Variants in SYT9 observed in about 807,000 individuals in gnomAD.
SYT9 encodes the protein synaptotagmin 9.
Under a neutral mutation model 48.4 loss-of-function variants are expected in SYT9, and 22 were observed. The ratio of observed to expected loss-of-function variants is 0.45; its 90% CI spans 0.32 to 0.65. The LOEUF (loss-of-function observed/expected upper bound fraction) is 0.65, where lower values mean the gene tolerates loss of function less well. SYT9 is among the 30% of genes least tolerant of loss of function. The pLI is 0.03. For synonymous variants in SYT9, 265 were observed against 245.0 expected (o/e 1.08, Z -0.76); for missense variants, 577 against 622.0 (o/e 0.93, Z 0.77).
chr11:7,241,801 C>T (rs1279995316), intron 1 of SYT9, among the ~76,000 whole-genome samples: 1 of 152,182 alleles, frequency 6.6e-6, no homozygotes, highest in Non-Finnish European at 1.5e-5. Flanking sequence ...TCGTAAGAGT[C>T]TGAAAGACTG....
intron 6 of SYT9, among the ~76,000 whole-genome samples, chr11:7,433,388 T>C (rs1217718115): frequency 6.6e-6 from 1 of 152,254 alleles, no homozygotes; most frequent in Non-Finnish European, 1.5e-5. Context: ...AGATTGACTA[T>C]AAATTTTAAA....
intron 3 of SYT9, among the ~76,000 whole-genome samples, chr11:7,370,073 C>T (rs971121939): frequency 3.4e-4 from 52 of 151,978 alleles, no homozygotes; most frequent in African/African-American, 1.2e-3. Context: ...CCCCAAGTCC[C>T]CAAAGTCCGT....
chr11:7,400,479 G>A (rs997847678), intron 3 of SYT9, among the ~76,000 whole-genome samples: 1 of 152,074 alleles, frequency 6.6e-6, no homozygotes, highest in African/African-American at 2.4e-5. Context: ...ACCAAACAAT[G>A]GTGAAATAGT....
rs73397596 is a variant in SYT9 at position 7,377,176 on chromosome 11, A to G, written c.1045-38866A>G. On this transcript the variant is annotated intron_variant, in intron 3 of 6. Transcript: ENST00000318881. ...ATTCATCCATTGATGTACTGAGTTC[A>G]TGAATTATGGACCCACTCTATGCCA... Among the ~76,000 whole-genome samples the G allele has an allele frequency of 6.5e-3, 978 of 151,468 alleles. 11 individuals carry two copies. Among genetic ancestry groups the G allele is most frequent in the African/African-American group, 0.023 (930 of 41,282 alleles).
chr11:7,305,510 CAT>C (rs1248983610), intron 2 of SYT9, among the ~76,000 whole-genome samples: 1 of 152,162 alleles, frequency 6.6e-6, no homozygotes, highest in East Asian at 1.9e-4. Flanking sequence ...TGCACACACA[CAT>C]ACACACTTTT....
intron 3 of SYT9, among the ~76,000 whole-genome samples, chr11:7,376,688 G>A (rs74053613): frequency 0.038 from 5,761 of 152,052 alleles, 382 homozygotes; most frequent in African/African-American, 0.13. Flanking sequence ...TATAGCATTG[G>A]GTAGAGCAAA....
At chr11:7,241,849 T>C (rs919819194) in intron 1 of SYT9, among the ~76,000 whole-genome samples, 7 of 152,216 alleles carry the variant, frequency 4.6e-5, no homozygotes, top group Admixed American at 2.6e-4. Flanking sequence ...ATAATTCTAA[T>C]AGGAGACTGA....
At chr11:7,247,055 C>A (rs1057317633), upstream of SYT9, among the ~76,000 whole-genome samples, 1 of 152,164 alleles carries the variant, frequency 6.6e-6, no homozygotes, top group Non-Finnish European at 1.5e-5. Context: ...TCACTGTGTC[C>A]TCACATGGCA....
At chr11:7,323,555 TG>T (rs1392848662) in intron 3 of SYT9, among the ~76,000 whole-genome samples, 1 of 152,088 alleles carries the variant, frequency 6.6e-6, no homozygotes, top group Non-Finnish European at 1.5e-5. Flanking sequence ...AAAAATGCTT[TG>T]ATTATTCATC....
chr11:7,341,253 A>G (rs963012273), intron 3 of SYT9, among the ~76,000 whole-genome samples: 1 of 152,118 alleles, frequency 6.6e-6, no homozygotes. Flanking sequence ...GAAAACATTA[A>G]TCTTGTGTTT....
chr11:7,367,098 T>TTTTTTTC (rs71056800), intron 3 of SYT9, among the ~76,000 whole-genome samples: 1 of 112,992 alleles, frequency 8.9e-6, no homozygotes, highest in Non-Finnish European at 1.8e-5. Context: ...TTTTTTTTTT[T>TTTTTTTC]CGAGACGGAG....
chr11:7,411,109 C>T (rs1847129747), intron 3 of SYT9, among the ~76,000 whole-genome samples: 1 of 152,210 alleles, frequency 6.6e-6, no homozygotes, highest in South Asian at 2.1e-4. Flanking sequence ...CCTGCCTCGG[C>T]ATCCCAAAAT....
chr11:7,345,043 G>A (rs1168945352), intron 3 of SYT9, among the ~76,000 whole-genome samples: 3 of 152,062 alleles, frequency 2.0e-5, no homozygotes, highest in African/African-American at 4.8e-5. Context: ...AAAATAGTGA[G>A]TCTTCCCATC....
rs770638602 is a variant in SYT9 at position 7,278,973 on chromosome 11, C to CA, written c.146-24061dup. On this transcript the variant is annotated intron_variant, in intron 1 of 6. Coordinates refer to ENST00000318881, the MANE Select transcript of SYT9 (RefSeq NM_175733.4). ...GTTTTGGAAACATCTAGAGAATAGT[C>CA]AAAAATGTATGTTAATTTATGTTTG... 9.2e-4 allele frequency among the ~76,000 whole-genome samples: 140 copies of CA among 152,252 alleles called. 2 individuals are homozygous for CA. Among genetic ancestry groups the CA allele is most frequent in the Middle Eastern group, 3.4e-3 (1 of 294 alleles).
chr11:7,282,021 C>A (rs1019368213), intron 1 of SYT9, among the ~76,000 whole-genome samples: 2 of 152,062 alleles, frequency 1.3e-5, no homozygotes, highest in Non-Finnish European at 2.9e-5. Flanking sequence ...AATATAAACA[C>A]AAAATTGCTT....
chr11:7,453,832 C>T (rs189215451), intron 6 of SYT9, among the ~76,000 whole-genome samples: 11 of 152,244 alleles, frequency 7.2e-5, no homozygotes, highest in South Asian at 6.2e-4. Context: ...CCATGAGCAA[C>T]GAGAGGTAGA....
intron 3 of SYT9, among the ~76,000 whole-genome samples, chr11:7,383,566 G>A (rs933566524): frequency 6.6e-6 from 1 of 152,122 alleles, no homozygotes; most frequent in Non-Finnish European, 1.5e-5. Context: ...TGGGTAAGTG[G>A]GCCTTCCCCT....
chr11:7,415,386 G>A (rs139804895), intron 3 of SYT9, among the ~76,000 whole-genome samples: 10 of 152,278 alleles, frequency 6.6e-5, no homozygotes, highest in South Asian at 6.2e-4. Flanking sequence ...TGCACAGATC[G>A]TATGCAGCCA....
chr11:7,432,579 A>AT (rs1847616587), intron 6 of SYT9, among the ~76,000 whole-genome samples: 4 of 7,176 alleles, frequency 5.6e-4, no homozygotes, highest in African/African-American at 7.0e-4. Flanking sequence ...AAAAAAAAAA[A>AT]AAAATATATA....
Sources: allele counts gnomAD v4.1 joint callset (sites outside exome capture counted in the v4.1 genomes callset), GRCh38; gene constraint gnomAD v4.1.1; transcripts MANE v1.5; gene names NCBI Gene and HGNC (gene_info 2026-07-23, HGNC 2026-07-21).